The following SRPK2 variants were observed in gnomAD, a reference collection of about 807,000 sequenced individuals.
The protein encoded by SRPK2 is SFRS protein kinase 2.
SRPK2 carries 21 observed loss-of-function variants against 90.8 expected under a neutral mutation model. The observed-to-expected ratio is 0.23, with a 90% CI of 0.16 to 0.33. The LOEUF (loss-of-function observed/expected upper bound fraction) is 0.33, where lower values mean the gene tolerates loss of function less well. Ranked by LOEUF, SRPK2 falls within the 10% of genes least tolerant of loss-of-function variation. The probability of loss-of-function intolerance (pLI) is 1.00; values close to 1 mark genes in which losing one functional copy is unlikely to be tolerated. For missense variants in SRPK2, 620 were observed against 869.0 expected (o/e 0.71, Z 3.60); for synonymous variants, 288 against 311.1 (o/e 0.93, Z 0.78).
intron 3 of SRPK2, among the ~76,000 whole-genome samples, chr7:105,179,238 T>C (rs1037499540): frequency 6.6e-6 from 1 of 152,226 alleles, no homozygotes; most frequent in Non-Finnish European, 1.5e-5. Flanking sequence ...CATTGGCATT[T>C]ACTACTATAA....
At chr7:105,389,239 C>G (rs1164219257), upstream of SRPK2, 2 of 1,252,214 alleles carry the variant, frequency 1.6e-6, no homozygotes, top group African/African-American at 1.6e-5. Flanking sequence ...CTCTCCCCTC[C>G]GCACCCCGGC....
chr7:105,182,791 G>C (rs1467381511), intron 3 of SRPK2, among the ~76,000 whole-genome samples: 1 of 151,880 alleles, frequency 6.6e-6, no homozygotes, highest in Non-Finnish European at 1.5e-5. Context: ...TTACTTGTAA[G>C]GAAAAAATTA....
intron 2 of SRPK2, chr7:105,204,948 T>C (rs1796010751): frequency 3.0e-6 from 1 of 334,868 alleles, no homozygotes; most frequent in Non-Finnish European, 5.7e-6. Context: ...AGGCCGATTC[T>C]GGATCCTTTC....
intron 7 of SRPK2, among the ~76,000 whole-genome samples, chr7:105,158,934 C>G (rs768925899): frequency 3.3e-5 from 5 of 151,522 alleles, no homozygotes; most frequent in African/African-American, 4.9e-5. Flanking sequence ...CACATAACCT[C>G]TTCTACATTA....
At chr7:105,291,445 G>A (rs1809002449) in intron 2 of SRPK2, among the ~76,000 whole-genome samples, 1 of 152,030 alleles carries the variant, frequency 6.6e-6, no homozygotes, top group African/African-American at 2.4e-5. Context: ...AGCACTTTGT[G>A]AGGCTGGGCA....
chr7:105,204,952 T>C (rs2129610562), intron 2 of SRPK2: 1 of 330,992 alleles, frequency 3.0e-6, no homozygotes, highest in South Asian at 2.8e-5. Context: ...CGATTCTGGA[T>C]CCTTTCTCTC....
intron 2 of SRPK2, among the ~76,000 whole-genome samples, chr7:105,228,064 C>T (rs1219050991): frequency 2.6e-5 from 4 of 152,106 alleles, no homozygotes; most frequent in Non-Finnish European, 4.4e-5. Context: ...TTTTCTGAGA[C>T]GAGGTCTCAC....
intron 6 of SRPK2, among the ~76,000 whole-genome samples, chr7:105,161,023 T>C (rs1807547640): frequency 6.6e-6 from 1 of 152,144 alleles, no homozygotes; most frequent in Non-Finnish European, 1.5e-5. Flanking sequence ...CTTTCTGGGT[T>C]CACACCATTC....
At chr7:105,379,547 T>A (rs1820698126) in intron 2 of SRPK2, among the ~76,000 whole-genome samples, 1 of 152,170 alleles carries the variant, frequency 6.6e-6, no homozygotes, top group Admixed American at 6.6e-5. Flanking sequence ...AAGTTGTTGC[T>A]CCTAGGTGGT....
chr7:105,160,334 T>G lies in SRPK2; in HGVS notation c.621+173A>C, dbSNP rs980536827. 35 of 409,882 alleles carry G rather than the reference T, an allele frequency of 8.5e-5. No homozygotes were observed. The Middle Eastern group carries it at 1.9e-3, about 22-fold the overall frequency. 25.4% of individuals were successfully genotyped at this position (409,882 alleles called of 1,614,324 possible). ...CACAACACAAAATATCATTAAATACTGACTTAATAAGAGTTCAAAATGTTA... is the reference window on the plus strand; with the variant it reads ...CACAACACAAAATATCATTAAATACGGACTTAATAAGAGTTCAAAATGTTA... On this transcript the variant is annotated intron_variant, in intron 7 of 15. Coordinates refer to ENST00000393651, the MANE Select transcript of SRPK2 (RefSeq NM_182692.3).
At chr7:105,232,458 TAAAAA>T (rs10533429) in intron 2 of SRPK2, among the ~76,000 whole-genome samples, 1 of 132,100 alleles carries the variant, frequency 7.6e-6, no homozygotes, top group African/African-American at 2.8e-5. Context: ...AAACCTTATC[TAAAAA>T]AAAAAAAAAA....
chr7:105,243,695 T>A (rs1233318765), intron 2 of SRPK2, among the ~76,000 whole-genome samples: 1 of 150,856 alleles, frequency 6.6e-6, no homozygotes, highest in Non-Finnish European at 1.5e-5. Flanking sequence ...AATTTAGGGC[T>A]GTGAAGAAAC....
At chr7:105,383,888 T>C (rs942237292) in intron 2 of SRPK2, among the ~76,000 whole-genome samples, 6 of 152,334 alleles carry the variant, frequency 3.9e-5, no homozygotes, top group African/African-American at 1.4e-4. Flanking sequence ...TATATTCCAT[T>C]TACATGAAAT....
rs531837533 is a variant in SRPK2, at chr7:105,122,350, G to A, written c.1915+3898C>T. Among the ~76,000 whole-genome samples the A allele has an allele frequency of 7.2e-4, 110 of 152,216 alleles. 1 individual carries two copies. In the South Asian group the frequency reaches 0.02, roughly 27 times the overall value. Reference sequence around the variant, plus strand: ...TTTCACATGTGTATTCAAGAGAAACGGAAACATCTGCCCACACAAACTTGT... The same window carrying A: ...TTTCACATGTGTATTCAAGAGAAACAGAAACATCTGCCCACACAAACTTGT... On this transcript the variant is annotated intron_variant, in intron 15 of 15. Transcript: ENST00000393651.
At chr7:105,292,626 T>C (rs1809207733) in intron 2 of SRPK2, among the ~76,000 whole-genome samples, 1 of 152,154 alleles carries the variant, frequency 6.6e-6, no homozygotes, top group Admixed American at 6.5e-5. Context: ...CTGCTACTTC[T>C]GCACCAATGG....
intron 2 of SRPK2, among the ~76,000 whole-genome samples, chr7:105,278,069 A>T (rs1181171392): frequency 6.6e-6 from 1 of 152,226 alleles, no homozygotes; most frequent in Non-Finnish European, 1.5e-5. Flanking sequence ...CAATCCCAGC[A>T]CTTTGGGAGG....
rs114717856 is a variant in SRPK2, at chr7:105,153,999, T to G, written c.621+6508A>C. 2.3e-3 allele frequency among the ~76,000 whole-genome samples: 347 copies of G among 152,208 alleles called. 2 individuals carry two copies. Among genetic ancestry groups the G allele is most frequent in the African/African-American group, 8.1e-3 (335 of 41,530 alleles). On this transcript the variant is annotated intron_variant, in intron 7 of 15. Coordinates refer to ENST00000393651, the MANE Select transcript of SRPK2 (RefSeq NM_182692.3). The stretch of plus-strand genomic sequence containing the variant: ...GCCTGTGAAAACCAAGATGTTAAAC[T>G]CAATGGAGGAGCTTGGAAATACCTG...
At chr7:105,301,560 A>G in intron 2 of SRPK2, 1 of 1,574,106 alleles carries the variant, frequency 6.4e-7, no homozygotes, top group South Asian at 1.1e-5. Context: ...TAGAAGCATT[A>G]CGCTCTATTT....
chr7:105,383,981 G>T (rs1341611087), intron 2 of SRPK2, among the ~76,000 whole-genome samples: 1 of 152,074 alleles, frequency 6.6e-6, no homozygotes, highest in East Asian at 1.9e-4. Flanking sequence ...GAGAATAACT[G>T]GGAAATAAAT....
Sources: gnomAD v4.1 joint callset for allele counts (sites outside exome capture counted in the v4.1 genomes callset) on GRCh38, gnomAD v4.1.1 for gene constraint, MANE v1.5 for transcripts, NCBI Gene and HGNC (gene_info 2026-07-23, HGNC 2026-07-21) for gene names.